The following EIF2B4 variants were observed in gnomAD, a reference collection of about 807,000 sequenced individuals.
EIF2B4 encodes eukaryotic translation initiation factor 2B subunit delta.
EIF2B4 carries 34 observed loss-of-function variants against 66.7 expected under a neutral mutation model. The ratio of observed to expected loss-of-function variants is 0.51; its 90% CI spans 0.39 to 0.68. The LOEUF is 0.68. EIF2B4 is among the 30% of genes least tolerant of loss of function. EIF2B4 has a pLI of 0.00. For missense variants in EIF2B4, 618 were observed against 657.9 expected (o/e 0.94, Z 0.66); for synonymous variants, 278 against 253.6 (o/e 1.10, Z -0.92).
chr2:27,368,600 C>G (rs1204782705), intron 5 of EIF2B4, 54 bp downstream of exon 5: 1 of 1,607,754 alleles, frequency 6.2e-7, no homozygotes, highest in African/African-American at 1.3e-5. Flanking sequence ...CCTTTCCTCC[C>G]TCCAGTCCAT....
chr2:27,369,292 G>C, intron 3 of EIF2B4, 80 bp from the exon 4 acceptor site: 6 of 1,605,770 alleles, frequency 3.7e-6, no homozygotes, highest in Non-Finnish European at 4.2e-6. Context: ...TTCTCTCCTT[G>C]TAAACCTCTT....
intron 3 of EIF2B4, 34 bp downstream of exon 3, chr2:27,369,380 C>A (rs769020793): frequency 6.2e-7 from 1 of 1,613,686 alleles, no homozygotes; most frequent in South Asian, 1.1e-5. Context: ...ACCAGCTCCA[C>A]ACCCCAGCCC....
rs557347741 is a variant in EIF2B4, at chr2:27,364,970, A to G, written c.1192-72T>C. ...ATGCAAAATAAGGTCCCCTACTTACAGGACAGCAACATTAAGACAAGTAAT... is the reference window on the plus strand; with the variant it reads ...ATGCAAAATAAGGTCCCCTACTTACGGGACAGCAACATTAAGACAAGTAAT... On this transcript the variant is annotated intron_variant, in intron 11 of 12. Coordinates refer to ENST00000347454, the MANE Select transcript of EIF2B4 (RefSeq NM_001034116.2). The G allele has an allele frequency of 1.4e-5, 21 of 1,469,044 alleles. No individual in the cohort carries two copies. The African/African-American group carries it at 2.4e-4, about 17-fold the overall frequency. The allele number at this position is 1,469,044 out of a possible 1,614,324, so 91.0% of individuals were successfully genotyped here.
Position 27,368,158 on chromosome 2 carries a change from C to T in EIF2B4, c.591-19G>A. The T allele has an allele frequency of 6.4e-7, 1 of 1,563,256 alleles. No individual in the cohort carries two copies. The highest frequency in any genetic ancestry group is 1.2e-5 in the South Asian group (1 of 85,712). On this transcript the variant is annotated intron_variant, in intron 6 of 12. Transcript: ENST00000347454. ...TGGGATGCTGATGGGATGGCGGTGTCACATACTTTGAAAGGGAGCTTGAGC... is the reference window on the plus strand; with the variant it reads ...TGGGATGCTGATGGGATGGCGGTGTTACATACTTTGAAAGGGAGCTTGAGC...
rs1558632016 is a variant in EIF2B4 at position 27,364,389 on chromosome 2, T to C, written c.*11A>G. 2.5e-6 allele frequency: 4 copies of C among 1,613,648 alleles called. No homozygotes were observed. The highest frequency in any genetic ancestry group is 3.4e-6 in the Non-Finnish European group (4 of 1,179,846). On this transcript the variant is annotated 3_prime_UTR_variant, in exon 13 of 13. Transcript: ENST00000347454. ...GGGAGTATGGCATTTATTAACCCTG[T>C]GTTTCCCCCGTCACTGGTCACTGCT...
At position 27,368,438 on chromosome 2, in the gene EIF2B4, G is replaced by C. The variant is rs1451468005; in HGVS notation, c.524C>G (p.Ser175Cys). The C allele has an allele frequency of 6.2e-7, 1 of 1,614,110 alleles. No homozygotes were observed. Among genetic ancestry groups the C allele is most frequent in the Non-Finnish European group, 8.5e-7 (1 of 1,179,976 alleles). The change falls in exon 6 of 13, where the codon TCC (serine) becomes TGC (cysteine). Residue 175 changes from serine (S) to cysteine (C), a missense_variant. Transcript: ENST00000347454. ...QQVPTRKDYG[S>C]KVSLFSHLPQ... ...TAGGTGAGAGAAGAGACTGACTTTGGATCCATAATCCTTTCGTGTAGGAAC... is the reference window on the plus strand; with the variant it reads ...TAGGTGAGAGAAGAGACTGACTTTGCATCCATAATCCTTTCGTGTAGGAAC...
rs1308215203 is a variant in EIF2B4, at chr2:27,367,516, C to T, written c.826G>A (p.Ala276Thr). ...CRPLSASMHN[A>T]IKFLNKEITS... The stretch of plus-strand genomic sequence containing the variant: ...ATTTCCTTGTTAAGGAACTTGATGG[C>T]GTTGTGCATGCTCGCTGACAGGGGA... The change falls in exon 9 of 13, where the codon GCC (alanine) becomes ACC (threonine). Residue 276 changes from alanine (A) to threonine (T), a missense_variant. Ala to Thr is a moderately conservative substitution (Grantham distance 58, BLOSUM62 0). Transcript: ENST00000347454. The T allele has an allele frequency of 3.7e-6, 6 of 1,613,982 alleles. No individual in the cohort carries two copies. The highest frequency in any genetic ancestry group is 1.3e-5 in the African/African-American group (1 of 74,892).
chr2:27,368,337 G>C, intron 6 of EIF2B4, 35 bp downstream of exon 6: 4 of 1,572,326 alleles, frequency 2.5e-6, no homozygotes. Flanking sequence ...AAACTCCTCA[G>C]ACTCAAAAGT....
chr2:27,365,341 C>T (rs1039262991), intron 11 of EIF2B4, among the ~76,000 whole-genome samples: 9 of 149,560 alleles, frequency 6.0e-5, no homozygotes, highest in African/African-American at 2.2e-4. Flanking sequence ...GCCAGGATAA[C>T]AGGCGTGAGC....
intron 2 of EIF2B4, 130 bp from the exon 3 acceptor site, chr2:27,369,679 C>A (rs1049303079): frequency 6.5e-7 from 1 of 1,537,874 alleles, no homozygotes; most frequent in African/African-American, 1.4e-5. Flanking sequence ...CTACCTGTTG[C>A]AAGCTTACAT....
At chr2:27,367,663 GAA>G in intron 8 of EIF2B4, 81 bp downstream of exon 8, 1 of 1,586,008 alleles carries the variant, frequency 6.3e-7, no homozygotes, top group Non-Finnish European at 8.7e-7. Context: ...AACACAAAAT[GAA>G]AAGAGAGATA....
At chr2:27,367,594 ACT>A in intron 8 of EIF2B4, 35 bp from the exon 9 acceptor site, 2 of 1,609,432 alleles carry the variant, frequency 1.2e-6, no homozygotes, top group Non-Finnish European at 1.7e-6. Flanking sequence ...TATCTGCGCA[ACT>A]CTTCACAACT....
rs1681973637 is a variant in EIF2B4 at position 27,367,798 on chromosome 2, G to C, written c.730C>G (p.Pro244Ala). The change falls in exon 8 of 13, where the codon CCT becomes GCT. Residue 244 changes from proline (P) to alanine (A), a missense_variant. Around this residue, in one of 4 missense-constraint regions of EIF2B4, gnomAD observed 506 missense variants for 511.9 expected, o/e 0.99. Coordinates refer to ENST00000347454, the MANE Select transcript of EIF2B4 (RefSeq NM_001034116.2). ...QQVIQDYTTPPNEELSRDLVN... is the reference protein window; with the variant it reads ...QQVIQDYTTPANEELSRDLVN... ...AGATCCCTGGAGAGTTCTTCATTAGGCGGTGTTGTGTAATCCTGAATCACC... is the reference window on the plus strand; with the variant it reads ...AGATCCCTGGAGAGTTCTTCATTAGCCGGTGTTGTGTAATCCTGAATCACC... 1 of 1,613,964 alleles carries C rather than the reference G, an allele frequency of 6.2e-7. No homozygotes were observed. Among genetic ancestry groups the C allele is most frequent in the African/African-American group, 1.3e-5 (1 of 74,878 alleles).
rs151290164 is a variant in EIF2B4, at chr2:27,367,804, T to C, written c.724A>G (p.Thr242Ala). ...CTGGAGAGTTCTTCATTAGGCGGTGTTGTGTAATCCTGAATCACCTATAGG... is the reference window on the plus strand; with the variant it reads ...CTGGAGAGTTCTTCATTAGGCGGTGCTGTGTAATCCTGAATCACCTATAGG... ...ALQQVIQDYT[T>A]PPNEELSRDL... The change falls in exon 8 of 13, where the codon ACA becomes GCA. Residue 242 changes from threonine (T) to alanine (A), a missense_variant. This residue lies in a region of EIF2B4 where 506 missense variants were observed against 511.9 expected (regional missense o/e 0.99). Coordinates refer to ENST00000347454, the MANE Select transcript of EIF2B4 (RefSeq NM_001034116.2). 7.7e-5 allele frequency: 125 copies of C among 1,613,978 alleles called. 1 individual carries two copies. The South Asian group carries it at 1.3e-3, about 17-fold the overall frequency.
intron 6 of EIF2B4, 74 bp downstream of exon 6, chr2:27,368,298 T>C: frequency 7.0e-7 from 1 of 1,429,930 alleles, no homozygotes. Context: ...CATCTCAGAT[T>C]ACTAGAAACT....
Position 27,369,028 on chromosome 2 carries a change from G to T in EIF2B4, c.396C>A (p.Ser132Arg). 6.2e-7 allele frequency: 1 copy of T among 1,614,094 alleles called. No individual in the cohort carries two copies. The highest frequency in any genetic ancestry group is 8.5e-7 in the Non-Finnish European group (1 of 1,180,014). ...TACCTGAGGGGGTTTCTCCAGCTGT[G>T]CTGGGGCTGGCCTTAGGAGGTGGTC... ...QGGPPPKASPSTAGETPSGVK... is the reference protein window; with the variant it reads ...QGGPPPKASPRTAGETPSGVK... The change falls in exon 4 of 13, where the codon AGC becomes AGA. Residue 132 changes from serine to arginine, a missense_variant. Around this residue, in one of 4 missense-constraint regions of EIF2B4, gnomAD observed 506 missense variants for 511.9 expected, o/e 0.99. Transcript: ENST00000347454.
At position 27,368,434 on chromosome 2, in the gene EIF2B4, T is replaced by C; in HGVS notation, c.528A>G (p.Lys176=). ...QVPTRKDYGS[K]VSLFSHLPQY... is the part of the protein sequence containing the mutation. Reference sequence around the variant, plus strand: ...GGGGTAGGTGAGAGAAGAGACTGACTTTGGATCCATAATCCTTTCGTGTAG... The same window carrying C: ...GGGGTAGGTGAGAGAAGAGACTGACCTTGGATCCATAATCCTTTCGTGTAG... Residue 176 remains lysine (K), a synonymous_variant, in exon 6 of 13, where the codon AAA becomes AAG. Coordinates refer to ENST00000347454, the MANE Select transcript of EIF2B4 (RefSeq NM_001034116.2). 2 of 1,614,182 alleles carry C rather than the reference T, an allele frequency of 1.2e-6. No homozygotes were observed. Among genetic ancestry groups the C allele is most frequent in the Non-Finnish European group, 1.7e-6 (2 of 1,180,000 alleles).
chr2:27,369,927 A>G lies in EIF2B4; in HGVS notation c.32-8T>C, dbSNP rs1280629751. On this transcript the variant is annotated splice_region_variant and splice_polypyrimidine_tract_variant and intron_variant, in intron 1 of 12. Transcript: ENST00000347454. ...TCATCCCGGATCCCGAGTCTGCATC[A>G]GAAAACAGGGCACAAAGTGAGCCAG... is the stretch of plus-strand genomic sequence containing the variant. The G allele has an allele frequency of 6.3e-7, 1 of 1,581,440 alleles. No homozygotes were observed. The highest frequency in any genetic ancestry group is 1.3e-5 in the African/African-American group (1 of 74,214).
chr2:27,366,595 C>G, intron 11 of EIF2B4, 164 bp downstream of exon 11: 3 of 791,296 alleles, frequency 3.8e-6, no homozygotes, highest in Non-Finnish European at 6.4e-6. Flanking sequence ...GGGAAGATCA[C>G]CTGAGCCCAG....
Sources: allele counts gnomAD v4.1 joint callset (sites outside exome capture counted in the v4.1 genomes callset), GRCh38; gene constraint gnomAD v4.1.1; regional missense constraint gnomAD v4.1.1; transcripts MANE v1.5; gene names NCBI Gene and HGNC (gene_info 2026-07-23, HGNC 2026-07-21).